Variants in PRKCZ observed in about 807,000 individuals in gnomAD.
PRKCZ encodes the protein protein kinase C zeta.
A neutral mutation model predicts 79.5 loss-of-function variants in PRKCZ; 33 were observed. That is an observed-to-expected ratio of 0.41 (90% CI 0.31 to 0.55). The LOEUF (loss-of-function observed/expected upper bound fraction) is 0.55. Ranked by LOEUF, PRKCZ falls within the 20% of genes least tolerant of loss-of-function variation. PRKCZ has a pLI of 0.19. For missense variants in PRKCZ, 578 were observed against 813.5 expected (o/e 0.71, Z 3.52); for synonymous variants, 342 against 320.9 (o/e 1.07, Z -0.70).
intron 10 of PRKCZ, among the ~76,000 whole-genome samples, chr1:2,164,708 T>A (rs1360720699): frequency 1.3e-5 from 2 of 152,238 alleles, no homozygotes; most frequent in Admixed American, 6.5e-5. Context: ...TTTTAAATTT[T>A]CCTAATTTTT....
At position 2,082,503 on chromosome 1, in the gene PRKCZ, T is replaced by C; in HGVS notation, c.334+22912T>C. ...TCCGCGTTCCTAGCGACCGGTTTTG[T>C]GATGTGGGCAGTGCCGTGCTGGTAA... On this transcript the variant is annotated intron_variant, in intron 4 of 17. Coordinates refer to ENST00000378567, the MANE Select transcript of PRKCZ (RefSeq NM_002744.6). The surrounding 1 kb of genome is among the most constrained non-coding windows in gnomAD (Gnocchi z 4.4). The C allele has an allele frequency of 2.3e-6, 1 of 441,534 alleles. No homozygotes were observed. Among genetic ancestry groups the C allele is most frequent in the South Asian group, 1.6e-5 (1 of 61,590 alleles). The allele number at this position is 441,534 out of a possible 1,614,324, so 27.4% of individuals were successfully genotyped here. A position where few individuals can be genotyped will look rare whatever the true frequency, so the allele number is the denominator to read the frequency against.
At chr1:2,126,937 A>G (rs994152297) in intron 4 of PRKCZ, among the ~76,000 whole-genome samples, 17 of 152,200 alleles carry the variant, frequency 1.1e-4, no homozygotes. Flanking sequence ...CGGTGCCCAC[A>G]GGGCCGGGTT....
intron 4 of PRKCZ, among the ~76,000 whole-genome samples, chr1:2,091,557 CT>C (rs1665507392): frequency 6.6e-6 from 1 of 152,118 alleles, no homozygotes; most frequent in Non-Finnish European, 1.5e-5. Context: ...TGGCCGTCCT[CT>C]TGGGGCGAGG....
chr1:2,160,908 G>T (rs868226100), intron 10 of PRKCZ, among the ~76,000 whole-genome samples: 9 of 152,106 alleles, frequency 5.9e-5, no homozygotes, highest in Middle Eastern at 3.2e-3. Context: ...GGTGTGACGG[G>T]GTCTGACCCT....
chr1:2,105,352 C>T (rs1181578555), intron 4 of PRKCZ, among the ~76,000 whole-genome samples: 1 of 152,176 alleles, frequency 6.6e-6, no homozygotes, highest in Non-Finnish European at 1.5e-5. Context: ...GGGGCCCATC[C>T]GGGAGTAGAA....
rs1273841247 is a variant in PRKCZ at position 2,127,449 on chromosome 1, C to T, written c.335-7813C>T. ...CCACCCCAGATCCTCAGACGCCCCT[C>T]CCTGTGCCTTCTCACCCTCTGGTCC... On this transcript the variant is annotated intron_variant, in intron 4 of 17. Coordinates refer to ENST00000378567, the MANE Select transcript of PRKCZ (RefSeq NM_002744.6). This position sits in a 1 kb window ranked among gnomAD's most constrained non-coding sequence, Gnocchi z 5.1. 6.6e-6 allele frequency among the ~76,000 whole-genome samples: 1 copy of T among 151,954 alleles called. No homozygotes were observed.
intron 4 of PRKCZ, among the ~76,000 whole-genome samples, chr1:2,104,455 G>C (rs1363407600): frequency 6.6e-6 from 1 of 152,168 alleles, no homozygotes; most frequent in African/African-American, 2.4e-5. Flanking sequence ...TCAGGGGCCA[G>C]TACAGCAGCA....
At chr1:2,160,371 G>A (rs552735717) in intron 10 of PRKCZ, among the ~76,000 whole-genome samples, 19 of 152,254 alleles carry the variant, frequency 1.2e-4, no homozygotes, top group African/African-American at 4.3e-4. Flanking sequence ...GCGTCAGGAG[G>A]CGTGGCACCC....
chr1:2,123,554 G>T (rs1176198160), intron 4 of PRKCZ, among the ~76,000 whole-genome samples: 1 of 23,930 alleles, frequency 4.2e-5, no homozygotes, highest in Non-Finnish European at 7.0e-5. Flanking sequence ...GGTTAGGGTT[G>T]TGGTGGTTAG....
intron 4 of PRKCZ, among the ~76,000 whole-genome samples, chr1:2,111,985 T>A (rs1669828320): frequency 6.6e-6 from 1 of 152,212 alleles, no homozygotes; most frequent in Non-Finnish European, 1.5e-5. Context: ...GTTGGCACCT[T>A]CCTTTCACCT....
In PRKCZ at chr1:2,156,075, C is replaced by T; in HGVS notation, c.957C>T (p.Cys319=). The T allele has an allele frequency of 6.2e-7, 1 of 1,613,150 alleles. No individual in the cohort carries two copies. The highest frequency in any genetic ancestry group is 1.1e-5 in the South Asian group (1 of 91,054). The change falls in exon 10 of 18, where the codon TGC becomes TGT. Residue 319 remains cysteine (C), a synonymous_variant. Coordinates refer to ENST00000378567, the MANE Select transcript of PRKCZ (RefSeq NM_002744.6). ...CCTTCCTGGTCGGATTACACTCCTG[C>T]TTCCAGACGACAAGTCGGTAAGAAA... ...SNPFLVGLHS[C]FQTTSRLFLV... is the part of the protein sequence containing the mutation.
In PRKCZ at chr1:2,106,225, C is replaced by T. The variant is rs1392172350; in HGVS notation, c.335-29037C>T. 2.0e-5 allele frequency among the ~76,000 whole-genome samples: 3 copies of T among 152,232 alleles called. No homozygotes were observed. In the South Asian group the frequency reaches 6.2e-4, roughly 32 times the overall value. On this transcript the variant is annotated intron_variant, in intron 4 of 17. Coordinates refer to ENST00000378567, the MANE Select transcript of PRKCZ (RefSeq NM_002744.6). ...AGAGCCAGGGAAGGGAGGTGGAGCT[C>T]CAGCCAAGGCATCCAAACATCAAAA...
At chr1:2,148,320 A>C (rs1472893453) in intron 7 of PRKCZ, among the ~76,000 whole-genome samples, 8 of 151,362 alleles carry the variant, frequency 5.3e-5, no homozygotes, top group Non-Finnish European at 1.0e-4. Flanking sequence ...TCTATTGTCC[A>C]CTGACCTCTC....
chr1:2,114,284 A>G (rs928235221), intron 4 of PRKCZ, among the ~76,000 whole-genome samples: 3 of 152,218 alleles, frequency 2.0e-5, no homozygotes, highest in African/African-American at 7.2e-5. Context: ...TAGCCCAAGC[A>G]CAGTGTCCAA....
chr1:2,107,293 C>T (rs12410859), intron 4 of PRKCZ, among the ~76,000 whole-genome samples: 36,297 of 152,182 alleles, frequency 0.24, 4,905 homozygotes, highest in Admixed American at 0.34. Context: ...AACACTGAGG[C>T]GGGATTGCGT....
At chr1:2,144,816 T>G (rs1429938267) in intron 6 of PRKCZ, 8 of 209,576 alleles carry the variant, frequency 3.8e-5, no homozygotes, top group Non-Finnish European at 5.1e-5. Context: ...TGCTTGGACT[T>G]GAAGCATCCA....
rs751041701 is a variant in PRKCZ, at chr1:2,165,716, G to A, written c.975-3802G>A. ...TTCTGTACACACATGGTGGTGGCCCGCCCGGACCCATCTGGTTAATTCTTG... is the reference window on the plus strand; with the variant it reads ...TTCTGTACACACATGGTGGTGGCCCACCCGGACCCATCTGGTTAATTCTTG... On this transcript the variant is annotated intron_variant, in intron 10 of 17. Coordinates refer to ENST00000378567, the MANE Select transcript of PRKCZ (RefSeq NM_002744.6). The surrounding 1 kb of genome is among the most constrained non-coding windows in gnomAD (Gnocchi z 4.1). Among the ~76,000 whole-genome samples the A allele has an allele frequency of 4.6e-5, 7 of 152,166 alleles. No individual in the cohort carries two copies. Among genetic ancestry groups the A allele is most frequent in the Non-Finnish European group, 7.3e-5 (5 of 68,032 alleles).
chr1:2,050,288 G>T (rs1277338962), upstream of PRKCZ, among the ~76,000 whole-genome samples: 5 of 151,674 alleles, frequency 3.3e-5, no homozygotes, highest in East Asian at 7.7e-4. Flanking sequence ...CCGCGGCCGG[G>T]TGTCCCCCGA....
chr1:2,060,552 G>C (rs1484241403), intron 4 of PRKCZ, among the ~76,000 whole-genome samples: 2 of 152,148 alleles, frequency 1.3e-5, no homozygotes, highest in African/African-American at 4.8e-5. Flanking sequence ...GCAGCGCTTA[G>C]CGTAGGGGAG....
Sources: gnomAD v4.1 joint callset for allele counts (sites outside exome capture counted in the v4.1 genomes callset) on GRCh38, gnomAD v4.1.1 for gene constraint, Gnocchi (gnomAD v3.1) non-coding constraint, MANE v1.5 for transcripts, NCBI Gene and HGNC (gene_info 2026-07-23, HGNC 2026-07-21) for gene names.